Variants in CHD2 observed in about 807,000 individuals in gnomAD.
CHD2 encodes ATP-dependent chromatin remodeler CHD2.
CHD2 carries 28 observed loss-of-function variants against 243.9 expected under a neutral mutation model. That is an observed-to-expected ratio of 0.11 (90% CI 0.09 to 0.16). The LOEUF (loss-of-function observed/expected upper bound fraction) is 0.16, where lower values mean the gene tolerates loss of function less well. Ranked by LOEUF, CHD2 falls within the 10% of genes least tolerant of loss-of-function variation. CHD2 has a pLI of 1.00. For missense variants in CHD2, 1,386 were observed against 2,209.8 expected, an observed-to-expected ratio of 0.63 and a Z score of 7.47; for synonymous variants, 775 against 779.0, an observed-to-expected ratio of 0.99 and a Z score of 0.09.
chr15:92,928,951 G>A, intron 4 of CHD2, 79 bp from the exon 5 acceptor site: 4 of 1,360,744 alleles, frequency 2.9e-6, no homozygotes, highest in Non-Finnish European at 4.1e-6. Flanking sequence ...TGAGTAGACT[G>A]TTGATCCAGG....
intron 16 of CHD2, among the ~76,000 whole-genome samples, chr15:92,961,973 C>T (rs1022993800): frequency 6.7e-6 from 1 of 148,832 alleles, no homozygotes; most frequent in Non-Finnish European, 1.5e-5. Context: ...CCTCCGCCTT[C>T]CAGTTTCAAG....
intron 20 of CHD2, chr15:92,977,998 A>T (rs1203340053): frequency 2.1e-6 from 1 of 473,742 alleles, no homozygotes; most frequent in Non-Finnish European, 3.8e-6. Context: ...TCTCACTCCC[A>T]TTGCCTTATT....
intron 22 of CHD2, among the ~76,000 whole-genome samples, chr15:92,979,640 T>C (rs2053952194): frequency 6.6e-6 from 1 of 151,886 alleles, no homozygotes. Context: ...GGCAGCTGTT[T>C]TTTTTTTTTA....
intron 20 of CHD2, among the ~76,000 whole-genome samples, chr15:92,977,890 T>G (rs922936027): frequency 1.3e-5 from 2 of 152,248 alleles, no homozygotes; most frequent in Non-Finnish European, 2.9e-5. Flanking sequence ...GGTGACTTCC[T>G]GGAGTTAATG....
At chr15:92,991,548 C>T (rs1411952439) in intron 27 of CHD2, 31 bp downstream of exon 27, 2 of 1,534,396 alleles carry the variant, frequency 1.3e-6, no homozygotes, top group Non-Finnish European at 8.9e-7. Flanking sequence ...CCTTATCTTC[C>T]TCTTTTTTGC....
rs2054438017 is a variant in CHD2, at chr15:93,014,874, A to G, written c.4871A>G (p.Tyr1624Cys). Reference protein sequence around the residue: ...PQMHGHPRDNYNHPNKRHFSN... With the variant: ...PQMHGHPRDNCNHPNKRHFSN... ...ATGCATGGACACCCAAGAGATAACT[A>G]CAATCACCCCAACAAGAGACACTTC... Residue 1624 changes from tyrosine to cysteine, a missense_variant, in exon 37 of 39, where the codon TAC (tyrosine) becomes TGC (cysteine). Tyr to Cys is a radical substitution (Grantham distance 194). Coordinates refer to ENST00000394196, the MANE Select transcript of CHD2 (RefSeq NM_001271.4). 6.2e-7 allele frequency: 1 copy of G among 1,614,192 alleles called. No homozygotes were observed.
rs577787584 is a variant in CHD2 at position 92,915,401 on chromosome 15, A to T, written c.63-8920A>T. The stretch of plus-strand genomic sequence containing the variant: ...GCCATTCTGCTGCCTCAGCCTCCCG[A>T]GTAGCTGGGACTACAGGCATGTGTC... On this transcript the variant is annotated intron_variant, in intron 2 of 38. Coordinates refer to ENST00000394196, the MANE Select transcript of CHD2 (RefSeq NM_001271.4). 6.8e-4 allele frequency among the ~76,000 whole-genome samples: 104 copies of T among 152,086 alleles called. 1 individual carries two copies. The highest frequency in any genetic ancestry group is 2.4e-3 in the African/African-American group (98 of 41,466).
chr15:93,009,567 C>G (rs1436062566), intron 35 of CHD2, among the ~76,000 whole-genome samples: 1 of 152,200 alleles, frequency 6.6e-6, no homozygotes, highest in Non-Finnish European at 1.5e-5. Context: ...GATAGTGTTA[C>G]TGGATTTGCT....
intron 2 of CHD2, among the ~76,000 whole-genome samples, chr15:92,907,078 C>T (rs2052637292): frequency 6.6e-6 from 1 of 152,086 alleles, no homozygotes; most frequent in African/African-American, 2.4e-5. Flanking sequence ...TCACATTTGT[C>T]TTATGACCCT....
At chr15:92,936,580 A>G (rs1031690381) in intron 5 of CHD2, among the ~76,000 whole-genome samples, 1 of 152,224 alleles carries the variant, frequency 6.6e-6, no homozygotes, top group Non-Finnish European at 1.5e-5. Context: ...CAAGGAGCAA[A>G]GGAACATCTA....
intron 26 of CHD2, 82 bp downstream of exon 26, chr15:92,985,755 G>GAC: frequency 7.0e-7 from 1 of 1,434,452 alleles, no homozygotes; most frequent in Non-Finnish European, 9.4e-7. Flanking sequence ...TGGACATCGT[G>GAC]ACAGGGTAGG....
intron 2 of CHD2, among the ~76,000 whole-genome samples, chr15:92,912,796 C>T (rs888644885): frequency 1.3e-4 from 20 of 151,756 alleles, no homozygotes; most frequent in Admixed American, 2.6e-4. Context: ...GTGATCCGCC[C>T]GCCTCGGCCT....
chr15:93,010,995 G>T (rs1259448704), intron 35 of CHD2, among the ~76,000 whole-genome samples: 5 of 152,100 alleles, frequency 3.3e-5, no homozygotes, highest in South Asian at 4.2e-4. Context: ...ATAAAGAAAA[G>T]ATTTAATTTT....
chr15:92,918,355 A>G (rs2052883225), intron 2 of CHD2, among the ~76,000 whole-genome samples: 1 of 151,964 alleles, frequency 6.6e-6, no homozygotes, highest in Non-Finnish European at 1.5e-5. Context: ...TTGTTTTTTT[A>G]TCTGTGTGTT....
At chr15:92,973,238 C>T (rs1370075907) in intron 19 of CHD2, among the ~76,000 whole-genome samples, 14 of 152,174 alleles carry the variant, frequency 9.2e-5, no homozygotes, top group Admixed American at 9.2e-4. Context: ...AGTTCCTTAA[C>T]TGGAGTTACT....
chr15:92,958,307 T>C (rs2053642499), intron 16 of CHD2, among the ~76,000 whole-genome samples: 1 of 152,238 alleles, frequency 6.6e-6, no homozygotes, highest in Non-Finnish European at 1.5e-5. Flanking sequence ...TTCTGGCGAA[T>C]GTGTGTCATT....
At chr15:92,955,965 TGAG>T (rs777171949) in intron 15 of CHD2, among the ~76,000 whole-genome samples, 2 of 152,192 alleles carry the variant, frequency 1.3e-5, no homozygotes, top group Non-Finnish European at 2.9e-5. Flanking sequence ...ATGGTCTTTG[TGAG>T]GAGGACAAAA....
chr15:92,915,806 T>G (rs2052823433), intron 2 of CHD2, among the ~76,000 whole-genome samples: 1 of 152,210 alleles, frequency 6.6e-6, no homozygotes, highest in African/African-American at 2.4e-5. Flanking sequence ...CAGGCAAACC[T>G]GCCTCCCATT....
intron 24 of CHD2, 146 bp from the exon 25 acceptor site, chr15:92,984,184 A>T: frequency 1.8e-6 from 1 of 569,614 alleles, no homozygotes; most frequent in Non-Finnish European, 2.7e-6. Context: ...AGGAAAAATT[A>T]ATAGAAAATT....
Sources: allele counts gnomAD v4.1 joint callset (sites outside exome capture counted in the v4.1 genomes callset), GRCh38; gene constraint gnomAD v4.1.1; transcripts MANE v1.5; gene names NCBI Gene and HGNC (gene_info 2026-07-23, HGNC 2026-07-21).